SVEP1: variants seen among roughly 807,000 people sequenced by gnomAD.
The protein encoded by SVEP1 is sushi, von Willebrand factor type A, EGF and pentraxin domain containing 1, also known as sushi, von Willebrand factor type A, EGF and pentraxin domain-containing protein 1.
In SVEP1, 164 loss-of-function variants were observed where a neutral mutation model predicts 367.3. That is an observed-to-expected ratio of 0.45 (90% CI 0.39 to 0.51). The LOEUF is 0.51. SVEP1 is among the 20% of genes least tolerant of loss of function. The pLI is 0.00. For synonymous variants in SVEP1, 1,666 were observed against 1,611.6 expected (o/e 1.03, Z -0.81); for missense variants, 4,117 against 4,425.3 (o/e 0.93, Z 1.98).
chr9:110,387,332 T>C lies in SVEP1; in HGVS notation c.10013A>G (p.His3338Arg), dbSNP rs114581956. The change falls in exon 42 of 48, where the codon CAC becomes CGC. Residue 3338 changes from histidine to arginine, a missense_variant. By Grantham distance (29) the His-to-Arg change is conservative. Transcript: ENST00000374469. ...GCTCCAGGTTCCATTTTCTGTGCAG[T>C]GTGCCTCAGATGGCCCTTCAAGACT... is the stretch of plus-strand genomic sequence containing the variant. ...GYSLEGPSEA[H>R]CTENGTWSHP... The C allele has an allele frequency of 1.3e-3, 2,119 of 1,612,790 alleles. 25 individuals are homozygous for C. In the African/African-American group the frequency reaches 0.025, roughly 19 times the overall value.
chr9:110,454,091 T>C (rs1828740589), intron 22 of SVEP1, among the ~76,000 whole-genome samples: 1 of 152,168 alleles, frequency 6.6e-6, no homozygotes, highest in African/African-American at 2.4e-5. Context: ...TTAAGCTCCT[T>C]ATAGATTCTG....
chr9:110,498,656 A>C (rs1224762264), intron 7 of SVEP1, among the ~76,000 whole-genome samples: 1 of 152,194 alleles, frequency 6.6e-6, no homozygotes, highest in Non-Finnish European at 1.5e-5. Flanking sequence ...GTTGCAGAGA[A>C]AATGGCAATG....
chr9:110,514,972 C>T (rs1829781712), intron 3 of SVEP1, among the ~76,000 whole-genome samples: 1 of 152,188 alleles, frequency 6.6e-6, no homozygotes, highest in African/African-American at 2.4e-5. Context: ...ATCCAACCGA[C>T]AGGAACTAGG....
At chr9:110,374,769 G>A (rs1927155) in intron 46 of SVEP1, among the ~76,000 whole-genome samples, 56,615 of 151,962 alleles carry the variant, frequency 0.37, 10,922 homozygotes, top group African/African-American at 0.42. Flanking sequence ...GCAGTACGGC[G>A]ATTCCTCAAA....
intron 1 of SVEP1, among the ~76,000 whole-genome samples, chr9:110,577,353 A>G (rs1347180829): frequency 1.3e-5 from 2 of 152,118 alleles, no homozygotes; most frequent in African/African-American, 4.8e-5. Context: ...CATTTAGCAC[A>G]TGATAAACAT....
chr9:110,406,520 G>A lies in SVEP1; in HGVS notation c.9080C>T (p.Ala3027Val). 1 of 1,613,632 alleles carries A rather than the reference G, an allele frequency of 6.2e-7. No homozygotes were observed. Among genetic ancestry groups the A allele is most frequent in the Non-Finnish European group, 8.5e-7 (1 of 1,179,810 alleles). The change falls in exon 38 of 48, where the codon GCA (alanine) becomes GTA (valine). Residue 3027 changes from alanine (A) to valine (V), a missense_variant. Physicochemically the swap from Ala to Val is moderately conservative, Grantham distance 64. Around this residue, in one of 4 missense-constraint regions of SVEP1, gnomAD observed 1,765 missense variants for 1,781.1 expected, o/e 0.99. Coordinates refer to ENST00000374469, the MANE Select transcript of SVEP1 (RefSeq NM_153366.4). The part of the protein sequence containing the change: ...VNGTDFDCGK[A>V]ARIQCFKGFK... ...GCCTTTGAAGCACTGAATCCGGGCT[G>A]CCTTTCCACAGTCAAAATCTGTCCC...
chr9:110,406,922 G>C lies in SVEP1; in HGVS notation c.8678C>G (p.Thr2893Ser), dbSNP rs749533028. ...TPDCVPVRCA[T>S]PPQLANGVTE... Reference sequence around the variant, plus strand: ...CACCCCATTGGCCAGTTGTGGCGGGGTGGCACATCTGACAGGCACACAGTC... The same window carrying C: ...CACCCCATTGGCCAGTTGTGGCGGGCTGGCACATCTGACAGGCACACAGTC... The change falls in exon 38 of 48, where the codon ACC becomes AGC. Residue 2893 changes from threonine to serine, a missense_variant. Physicochemically the swap from Thr to Ser is moderately conservative, Grantham distance 58. Coordinates refer to ENST00000374469, the MANE Select transcript of SVEP1 (RefSeq NM_153366.4). 1 of 1,613,816 alleles carries C rather than the reference G, an allele frequency of 6.2e-7. No individual in the cohort carries two copies. The highest frequency in any genetic ancestry group is 1.3e-5 in the African/African-American group (1 of 74,942).
intron 3 of SVEP1, among the ~76,000 whole-genome samples, chr9:110,538,190 C>A (rs1830102832): frequency 6.6e-6 from 1 of 151,972 alleles, no homozygotes; most frequent in Non-Finnish European, 1.5e-5. Flanking sequence ...GAATACCTAC[C>A]TCATTCAATA....
intron 9 of SVEP1, among the ~76,000 whole-genome samples, 172 bp downstream of exon 9, chr9:110,489,478 A>G (rs2038020443): frequency 1.3e-5 from 2 of 152,154 alleles, no homozygotes; most frequent in African/African-American, 4.8e-5. Flanking sequence ...CCCCCTTATA[A>G]AACCATCAGA....
intron 3 of SVEP1, among the ~76,000 whole-genome samples, chr9:110,531,361 T>C (rs546441134): frequency 6.6e-6 from 1 of 152,266 alleles, no homozygotes; most frequent in South Asian, 2.1e-4. Flanking sequence ...CATCTTGAAC[T>C]GTAGTTCCCA....
At chr9:110,535,648 G>T (rs4460458) in intron 3 of SVEP1, among the ~76,000 whole-genome samples, 104,516 of 151,930 alleles carry the variant, frequency 0.69, 36,806 homozygotes, top group Admixed American at 0.77. Context: ...GAGCATGGAA[G>T]GTTTTCCCAT....
At chr9:110,543,636 C>T (rs1186691430) in intron 3 of SVEP1, among the ~76,000 whole-genome samples, 3 of 152,138 alleles carry the variant, frequency 2.0e-5, no homozygotes, top group Admixed American at 1.3e-4. Flanking sequence ...CAGCAAGAGT[C>T]GCAGCACAGA....
intron 27 of SVEP1, chr9:110,442,709 C>T (rs1439724630): frequency 6.6e-6 from 1 of 152,064 alleles, no homozygotes; most frequent in African/African-American, 2.4e-5. Flanking sequence ...GTGATCCACC[C>T]TCCTCAGCCT....
chr9:110,455,777 G>T, intron 21 of SVEP1, 74 bp from the exon 22 acceptor site: 3 of 1,191,092 alleles, frequency 2.5e-6, no homozygotes, highest in Non-Finnish European at 3.5e-6. Flanking sequence ...ATCATTTAAA[G>T]GTAATTATCT....
intron 1 of SVEP1, among the ~76,000 whole-genome samples, chr9:110,557,505 CT>C (rs1830370264): frequency 6.8e-6 from 1 of 146,682 alleles, no homozygotes; most frequent in Non-Finnish European, 1.5e-5. Context: ...CCCTCCCTCT[CT>C]CTCTCTCCCT....
intron 16 of SVEP1, among the ~76,000 whole-genome samples, chr9:110,471,157 G>T (rs982638460): frequency 2.0e-5 from 3 of 152,294 alleles, no homozygotes; most frequent in South Asian, 4.1e-4. Context: ...ATAAAAATCA[G>T]ATTTGAGTCC....
At chr9:110,428,810 C>T (rs913993958) in intron 35 of SVEP1, among the ~76,000 whole-genome samples, 9 of 152,164 alleles carry the variant, frequency 5.9e-5, no homozygotes, top group Admixed American at 5.9e-4. Context: ...GTGGCTCACA[C>T]CTGTAATTCC....
At chr9:110,517,284 C>T (rs1358763511) in intron 3 of SVEP1, among the ~76,000 whole-genome samples, 2 of 151,880 alleles carry the variant, frequency 1.3e-5, no homozygotes, top group East Asian at 1.9e-4. Context: ...AACATAGCTA[C>T]ACCCATCTCT....
intron 1 of SVEP1, among the ~76,000 whole-genome samples, chr9:110,551,697 C>G (rs755402917): frequency 6.6e-6 from 1 of 152,058 alleles, no homozygotes; most frequent in Non-Finnish European, 1.5e-5. Flanking sequence ...AAAAGCTGCC[C>G]TCTTGATGAA....
Sources: gnomAD v4.1 joint callset for allele counts (sites outside exome capture counted in the v4.1 genomes callset) on GRCh38, gnomAD v4.1.1 for gene constraint, gnomAD v4.1.1 regional missense constraint, MANE v1.5 for transcripts, NCBI Gene and HGNC (gene_info 2026-07-23, HGNC 2026-07-21) for gene names.